Variants in CNOT9 observed in about 807,000 individuals in gnomAD.
CNOT9 encodes the protein RCD1 required for cell differentiation1 homolog.
A neutral mutation model predicts 37.4 loss-of-function variants in CNOT9; 8 were observed. The ratio of observed to expected loss-of-function variants is 0.21; its 90% CI spans 0.13 to 0.39. The LOEUF (loss-of-function observed/expected upper bound fraction) is 0.39, where lower values mean the gene tolerates loss of function less well. CNOT9 is among the 10% of genes least tolerant of loss of function. The pLI is 1.00. For synonymous variants in CNOT9, 120 were observed against 137.6 expected (o/e 0.87, Z 0.90); for missense variants, 154 against 365.3 (o/e 0.42, Z 4.71).
At chr2:218,571,738 ATTTTT>A (rs34883423) in intron 1 of CNOT9, among the ~76,000 whole-genome samples, 4 of 122,826 alleles carry the variant, frequency 3.3e-5, no homozygotes, top group African/African-American at 9.5e-5. Flanking sequence ...CGCCTGGCTA[ATTTTT>A]TTTTTTTTTT....
rs1694915581 is a variant in CNOT9, at chr2:218,595,892, T to A, written c.*1616T>A. 6.6e-6 allele frequency: 1 copy of A among 152,052 alleles called. No homozygotes were observed. Among genetic ancestry groups the A allele is most frequent in the South Asian group, 2.1e-4 (1 of 4,822 alleles). The allele number at this position is 152,052 out of a possible 1,614,324, so 9.4% of individuals were successfully genotyped here. A position where few individuals can be genotyped will look rare whatever the true frequency, so the allele number is the denominator to read the frequency against. On this transcript the variant is annotated 3_prime_UTR_variant, in exon 8 of 8. Transcript: ENST00000273064. ...AAATAGTAATTAAGTGGCCTAGATA[T>A]AGGAAGGGCAGAATAAGCACTTACT...
chr2:218,583,795 A>G (rs1694496768), intron 3 of CNOT9, among the ~76,000 whole-genome samples: 1 of 152,212 alleles, frequency 6.6e-6, no homozygotes, highest in Admixed American at 6.5e-5. Context: ...CAAAAACACA[A>G]GAGTACTTTG....
rs746901790 is a variant in CNOT9 at position 218,583,089 on chromosome 2, A to G, written c.320+3A>G. The G allele has an allele frequency of 2.5e-6, 4 of 1,597,736 alleles. No homozygotes were observed. The highest frequency in any genetic ancestry group is 4.5e-5 in the East Asian group (2 of 44,842). On this transcript the variant is annotated splice_donor_region_variant and intron_variant, in intron 3 of 7. Transcript: ENST00000273064. Reference sequence around the variant, plus strand: ...GTAGCATCACATCCAGAAACCAGGTAAATGCTTTGGGTGAGTCACTTGGGG... The same window carrying G: ...GTAGCATCACATCCAGAAACCAGGTGAATGCTTTGGGTGAGTCACTTGGGG...
Position 218,588,588 on chromosome 2 carries a change from C to CTTTTTTTTTTTTTTTT in CNOT9, c.540+904_540+919dup, listed in dbSNP as rs1172484260. Among the ~76,000 whole-genome samples the CTTTTTTTTTTTTTTTT allele has an allele frequency of 3.9e-4, 13 of 33,452 alleles. 4 individuals are homozygous for CTTTTTTTTTTTTTTTT. Among genetic ancestry groups the CTTTTTTTTTTTTTTTT allele is most frequent in the East Asian group, 2.5e-3 (2 of 804 alleles). 21.9% of individuals were successfully genotyped at this position (33,452 alleles called of 152,430 possible). On this transcript the variant is annotated intron_variant, in intron 5 of 7. Transcript: ENST00000273064. ...ACAGTCATGAGCCACTCCACCCGGC[C>CTTTTTTTTTTTTTTTT]TTTTTTTTTTTTTTTTTTTTTTTTT...
chr2:218,588,287 C>CTTTTTTTTT (rs539751873), intron 5 of CNOT9, among the ~76,000 whole-genome samples: 1 of 141,554 alleles, frequency 7.1e-6, no homozygotes, highest in Non-Finnish European at 1.5e-5. Context: ...AATCATATAT[C>CTTTTTTTTT]TTTTTTTTTT....
chr2:218,579,082 G>A (rs1243660894), intron 1 of CNOT9, among the ~76,000 whole-genome samples: 3 of 151,964 alleles, frequency 2.0e-5, no homozygotes, highest in Admixed American at 2.0e-4. Context: ...CACTGGGGAG[G>A]GACCAGTATT....
intron 7 of CNOT9, 196 bp from the exon 8 acceptor site, chr2:218,593,912 A>C: frequency 9.9e-7 from 1 of 1,007,826 alleles, no homozygotes; most frequent in Non-Finnish European, 1.4e-6. Context: ...TCATTCAGAA[A>C]ATATTTGTGG....
At chr2:218,583,505 CCTT>C (rs1372188468) in intron 3 of CNOT9, among the ~76,000 whole-genome samples, 1 of 152,140 alleles carries the variant, frequency 6.6e-6, no homozygotes, top group East Asian at 1.9e-4. Flanking sequence ...ACTTCAGAAT[CCTT>C]CTTAACATAG....
intron 5 of CNOT9, among the ~76,000 whole-genome samples, chr2:218,587,940 C>T (rs570241850): frequency 4.6e-5 from 7 of 152,244 alleles, no homozygotes; most frequent in East Asian, 1.9e-4. Context: ...TATATTATTA[C>T]GGTTTCATTT....
chr2:218,592,939 T>C lies in CNOT9; in HGVS notation c.731+232T>C, dbSNP rs888423149. On this transcript the variant is annotated intron_variant, in intron 7 of 7. Coordinates refer to ENST00000273064, the MANE Select transcript of CNOT9 (RefSeq NM_005444.3). This position sits in a 1 kb window ranked among gnomAD's most constrained non-coding sequence, Gnocchi z 4.1. ...CATCCTACTGTGAAATTCCAGAGAG[T>C]CTAGGCGATTCCAAAGGAAACCTTA... The C allele has an allele frequency of 6.6e-5, 35 of 530,296 alleles. No homozygotes were observed. The highest frequency in any genetic ancestry group is 1.2e-4 in the Non-Finnish European group (35 of 298,942). The allele number at this position is 530,296 out of a possible 1,614,324, so 32.8% of individuals were successfully genotyped here.
At chr2:218,584,139 G>T (rs78325221) in intron 3 of CNOT9, among the ~76,000 whole-genome samples, 4,116 of 152,240 alleles carry the variant, frequency 0.027, 182 homozygotes, top group African/African-American at 0.094. Context: ...TCCACAATTG[G>T]ATATTTTAAG....
intron 1 of CNOT9, among the ~76,000 whole-genome samples, chr2:218,577,682 G>T (rs1405801843): frequency 6.6e-6 from 1 of 152,184 alleles, no homozygotes; most frequent in African/African-American, 2.4e-5. Flanking sequence ...CAGGAGGCAT[G>T]GTATGCAAAC....
chr2:218,580,514 G>A, intron 1 of CNOT9, 47 bp from the exon 2 acceptor site: 3 of 1,510,218 alleles, frequency 2.0e-6, no homozygotes, highest in Non-Finnish European at 2.7e-6. Context: ...GTAAGACTTG[G>A]TTTGACTCTA....
intron 5 of CNOT9, among the ~76,000 whole-genome samples, chr2:218,589,019 A>G (rs1559249940): frequency 2.0e-5 from 3 of 151,240 alleles, no homozygotes; most frequent in Non-Finnish European, 2.9e-5. Context: ...ATCACTTTCA[A>G]TTTTTAAATT....
At chr2:218,581,541 T>A (rs1257915892) in intron 2 of CNOT9, among the ~76,000 whole-genome samples, 1 of 152,170 alleles carries the variant, frequency 6.6e-6, no homozygotes, top group African/African-American at 2.4e-5. Context: ...AAAGAATAGA[T>A]AACTGAAGTT....
intron 1 of CNOT9, among the ~76,000 whole-genome samples, chr2:218,574,515 A>G (rs1245409384): frequency 1.3e-5 from 2 of 152,092 alleles, no homozygotes; most frequent in Admixed American, 1.3e-4. Context: ...TTGGAGGAGT[A>G]TTTGTGCTTT....
intron 1 of CNOT9, among the ~76,000 whole-genome samples, chr2:218,572,027 A>G (rs960506997): frequency 6.6e-6 from 1 of 152,110 alleles, no homozygotes; most frequent in African/African-American, 2.4e-5. Flanking sequence ...TTAAGTAAGA[A>G]TAACAAAATG....
rs898495260 is a variant in CNOT9 at position 218,592,928 on chromosome 2, A to G, written c.731+221A>G. On this transcript the variant is annotated intron_variant, in intron 7 of 7. Coordinates refer to ENST00000273064, the MANE Select transcript of CNOT9 (RefSeq NM_005444.3). The surrounding 1 kb of genome is among the most constrained non-coding windows in gnomAD (Gnocchi z 4.1). Reference sequence around the variant, plus strand: ...CTGTAACTCTCCATCCTACTGTGAAATTCCAGAGAGTCTAGGCGATTCCAA... The same window carrying G: ...CTGTAACTCTCCATCCTACTGTGAAGTTCCAGAGAGTCTAGGCGATTCCAA... 6 of 555,526 alleles carry G rather than the reference A, an allele frequency of 1.1e-5. No individual in the cohort carries two copies. Among genetic ancestry groups the G allele is most frequent in the African/African-American group, 9.5e-5 (5 of 52,804 alleles). 34.4% of individuals were successfully genotyped at this position (555,526 alleles called of 1,614,324 possible).
At chr2:218,569,534 T>G (rs912476005) in intron 1 of CNOT9, among the ~76,000 whole-genome samples, 1 of 152,188 alleles carries the variant, frequency 6.6e-6, no homozygotes, top group Non-Finnish European at 1.5e-5. Flanking sequence ...AAAAGAAAGA[T>G]AGTGTAATTC....
Sources: allele counts gnomAD v4.1 joint callset (sites outside exome capture counted in the v4.1 genomes callset), GRCh38; gene constraint gnomAD v4.1.1; non-coding constraint Gnocchi (gnomAD v3.1); transcripts MANE v1.5; gene names NCBI Gene and HGNC (gene_info 2026-07-23, HGNC 2026-07-21).